BMAL2: variants seen among roughly 807,000 people sequenced by gnomAD.
BMAL2 encodes the protein basic helix-loop-helix ARNT like 2, also known as basic helix-loop-helix ARNT-like protein 2.
At chr12:27,418,258 A>G in the BMAL2 span, 73 of 1,105,370 alleles carry the variant, frequency 6.6e-5, no homozygotes, top group South Asian at 6.8e-4. Flanking sequence ...CTTAATCACT[A>G]TGTTTTCAGG....
At chr12:27,335,619 G>A in the BMAL2 span, among the ~76,000 whole-genome samples, 1 of 152,136 alleles carries the variant, frequency 6.6e-6, no homozygotes, top group Non-Finnish European at 1.5e-5. Flanking sequence ...TGGATCCTTG[G>A]GCAAAATTTC....
At chr12:27,399,490 T>G in the BMAL2 span, among the ~76,000 whole-genome samples, 1 of 152,254 alleles carries the variant, frequency 6.6e-6, no homozygotes, top group South Asian at 2.1e-4. Flanking sequence ...TACTAGAACA[T>G]CCCATAGAGC....
the BMAL2 span, among the ~76,000 whole-genome samples, chr12:27,369,801 A>G: frequency 6.6e-6 from 1 of 152,190 alleles, no homozygotes; most frequent in African/African-American, 2.4e-5. Flanking sequence ...TGGAAAGTGG[A>G]GTCAGTGCTA....
the BMAL2 span, among the ~76,000 whole-genome samples, chr12:27,375,998 T>C: frequency 2.0e-5 from 3 of 152,254 alleles, no homozygotes; most frequent in Non-Finnish European, 4.4e-5. Context: ...CCATCAATGA[T>C]GTTAATAACT....
the BMAL2 span, among the ~76,000 whole-genome samples, chr12:27,405,326 A>G: frequency 1.6e-3 from 251 of 152,358 alleles, 2 homozygotes; most frequent in African/African-American, 5.7e-3. Flanking sequence ...ACCCCTGAGT[A>G]GCCTAACTGG....
chr12:27,414,884 A>G, the BMAL2 span, among the ~76,000 whole-genome samples: 1 of 152,076 alleles, frequency 6.6e-6, no homozygotes, highest in South Asian at 2.1e-4. Context: ...CTAGACTAAG[A>G]AAAAAAAGAG....
chr12:27,377,965 A>G, the BMAL2 span, among the ~76,000 whole-genome samples: 2 of 131,932 alleles, frequency 1.5e-5, no homozygotes, highest in Non-Finnish European at 3.3e-5. Flanking sequence ...CCCTACTCTT[A>G]TCTGGAAAAA....
the BMAL2 span, among the ~76,000 whole-genome samples, chr12:27,411,568 G>T: frequency 1.3e-5 from 2 of 152,084 alleles, no homozygotes; most frequent in Non-Finnish European, 2.9e-5. Context: ...CAGTGAGCTA[G>T]TCATTATCAT....
At chr12:27,413,301 T>C in the BMAL2 span, among the ~76,000 whole-genome samples, 2 of 152,200 alleles carry the variant, frequency 1.3e-5, no homozygotes, top group Non-Finnish European at 2.9e-5. Context: ...GACAAAAGTA[T>C]TAAAAATAAT....
the BMAL2 span, among the ~76,000 whole-genome samples, chr12:27,404,226 T>A: frequency 6.7e-6 from 1 of 149,700 alleles, no homozygotes; most frequent in African/African-American, 2.4e-5. Flanking sequence ...TTTTTTTTTT[T>A]TGGAATCCAA....
At chr12:27,368,507 A>C in the BMAL2 span, 1 of 1,448,924 alleles carries the variant, frequency 6.9e-7, no homozygotes, top group Admixed American at 1.9e-5. Flanking sequence ...TTCCAAGTTC[A>C]TGGTAACATT....
chr12:27,424,784 A>G, the BMAL2 span: 1 of 152,208 alleles, frequency 6.6e-6, no homozygotes, highest in Non-Finnish European at 1.5e-5. Flanking sequence ...GCCATAAAGA[A>G]AAGCTGCTAA....
the BMAL2 span, chr12:27,423,262 A>C: frequency 6.6e-6 from 1 of 151,612 alleles, no homozygotes; most frequent in African/African-American, 2.4e-5. Context: ...GTGAGAAAGA[A>C]TATATCTACA....
chr12:27,342,046 C>T, the BMAL2 span, among the ~76,000 whole-genome samples: 7 of 152,118 alleles, frequency 4.6e-5, no homozygotes, highest in Non-Finnish European at 5.9e-5. Context: ...AAGCAATTCT[C>T]ATGCCTCAGC....
chr12:27,380,434 A>G, the BMAL2 span: 904,005 of 1,609,668 alleles, frequency 0.56, 262,463 homozygotes, highest in Admixed American at 0.73. Context: ...CCACACTTCG[A>G]TAAGTGAAAT....
At chr12:27,397,866 A>T in the BMAL2 span, among the ~76,000 whole-genome samples, 1 of 151,936 alleles carries the variant, frequency 6.6e-6, no homozygotes, top group South Asian at 2.1e-4. Context: ...TACACCCAGA[A>T]TCCACTTGTT....
chr12:27,354,334 G>GT, the BMAL2 span, among the ~76,000 whole-genome samples: 1 of 151,984 alleles, frequency 6.6e-6, no homozygotes, highest in Non-Finnish European at 1.5e-5. Flanking sequence ...ACCAAATAGT[G>GT]TATGTTCTCA....
the BMAL2 span, among the ~76,000 whole-genome samples, chr12:27,418,437 G>GA: frequency 8.1e-5 from 12 of 148,928 alleles, no homozygotes; most frequent in Admixed American, 2.7e-4. Context: ...CCATCCCTAC[G>GA]AAAAAAAAAT....
chr12:27,341,179 T>TGAAAACA, the BMAL2 span, among the ~76,000 whole-genome samples: 1 of 146,506 alleles, frequency 6.8e-6, no homozygotes, highest in Middle Eastern at 3.6e-3. Context: ...ATCCTTGTCT[T>TGAAAACA]GTGCCAGTTT....
Sources: allele counts gnomAD v4.1 joint callset (sites outside exome capture counted in the v4.1 genomes callset), GRCh38; gene constraint gnomAD v4.1.1; transcripts MANE v1.5; gene names NCBI Gene and HGNC (gene_info 2026-07-23, HGNC 2026-07-21).